CSMD1: variants seen among roughly 807,000 people sequenced by gnomAD.
CSMD1 encodes the protein CUB and Sushi multiple domains 1.
CSMD1 carries 213 observed loss-of-function variants against 417.5 expected under a neutral mutation model. The observed-to-expected ratio is 0.51, with a 90% confidence interval of 0.46 to 0.57. CSMD1 has a LOEUF of 0.57. Among genes scored for constraint, CSMD1 ranks in the 20% least tolerant of loss-of-function variants. The probability of loss-of-function intolerance (pLI) is 0.00; values close to 1 mark genes in which losing one functional copy is unlikely to be tolerated. For missense variants in CSMD1, 6,923 were observed against 4,529.7 expected (o/e 1.53, Z -15.17); for synonymous variants, 2,862 against 1,736.8 (o/e 1.65, Z -16.11).
chr8:3,519,779 G>A lies in CSMD1; in HGVS notation c.1345-26053C>T, dbSNP rs550121084. 1.2e-4 allele frequency among the ~76,000 whole-genome samples: 18 copies of A among 151,928 alleles called. 1 individual carries two copies. The highest frequency in any genetic ancestry group is 3.6e-4 in the African/African-American group (15 of 41,400). On this transcript the variant is annotated intron_variant, in intron 10 of 69. Coordinates refer to ENST00000635120, the MANE Select transcript of CSMD1 (RefSeq NM_033225.6). ...AGAAAGTTGGCTGTATGGAACACTT[G>A]CATCATTTAATAATAAATTAACTGC...
chr8:4,453,823 T>TTC (rs1799303158), intron 2 of CSMD1, among the ~76,000 whole-genome samples: 1 of 127,982 alleles, frequency 7.8e-6, no homozygotes, highest in Non-Finnish European at 1.7e-5. Flanking sequence ...TCTTTTTTTT[T>TTC]TTTTTTTTTT....
chr8:3,528,976 T>C (rs1259985999), intron 10 of CSMD1, among the ~76,000 whole-genome samples: 1 of 152,226 alleles, frequency 6.6e-6, no homozygotes, highest in Non-Finnish European at 1.5e-5. Context: ...ACAGTTGATA[T>C]ACATTTATAC....
At chr8:3,346,245 G>T (rs1389308327) in intron 22 of CSMD1, among the ~76,000 whole-genome samples, 10 of 152,138 alleles carry the variant, frequency 6.6e-5, no homozygotes, top group African/African-American at 2.4e-4. Flanking sequence ...ACTTTAAACA[G>T]CATGCAATCA....
chr8:4,895,339 C>G (rs1043945025), intron 1 of CSMD1, among the ~76,000 whole-genome samples: 3 of 152,086 alleles, frequency 2.0e-5, no homozygotes, highest in Non-Finnish European at 4.4e-5. Context: ...ATTTCAGTTT[C>G]TGGAGTAATG....
In CSMD1 at chr8:4,374,248, A is replaced by G. The variant is rs577933444; in HGVS notation, c.415+45705T>C. 1.6e-3 allele frequency among the ~76,000 whole-genome samples: 251 copies of G among 152,152 alleles called. 2 individuals carry two copies. Among genetic ancestry groups the G allele is most frequent in the African/African-American group, 5.8e-3 (241 of 41,512 alleles). The stretch of plus-strand genomic sequence containing the variant: ...CCCCACAACATCATCACCATCACTA[A>G]CGTGTGAGTTAATTTTTTTTAATAC... On this transcript the variant is annotated intron_variant, in intron 3 of 69. Coordinates refer to ENST00000635120, the MANE Select transcript of CSMD1 (RefSeq NM_033225.6).
chr8:4,924,974 T>A (rs932116525), intron 1 of CSMD1, among the ~76,000 whole-genome samples: 1 of 152,094 alleles, frequency 6.6e-6, no homozygotes, highest in Non-Finnish European at 1.5e-5. Context: ...GCATCCACCA[T>A]GGTGTCTACA....
intron 26 of CSMD1, among the ~76,000 whole-genome samples, chr8:3,252,290 A>G (rs1800331009): frequency 6.6e-6 from 1 of 152,202 alleles, no homozygotes; most frequent in Non-Finnish European, 1.5e-5. Flanking sequence ...GAATTTTGTC[A>G]AAGGCCATTT....
chr8:3,616,050 T>C (rs767709622), intron 8 of CSMD1, among the ~76,000 whole-genome samples: 97 of 152,220 alleles, frequency 6.4e-4, no homozygotes, highest in Non-Finnish European at 1.0e-3. Context: ...CTAACATGCA[T>C]CATTCCTAAA....
intron 10 of CSMD1, among the ~76,000 whole-genome samples, chr8:3,558,530 A>C (rs543797232): frequency 1.3e-5 from 2 of 149,174 alleles, no homozygotes; most frequent in South Asian, 2.1e-4. Context: ...CGACTCCTCC[A>C]ACGATGAACG....
chr8:4,860,053 G>A (rs913783824), intron 1 of CSMD1, among the ~76,000 whole-genome samples: 22 of 152,016 alleles, frequency 1.4e-4, no homozygotes, highest in South Asian at 6.2e-4. Context: ...AATGTGGCAC[G>A]TATACACCAT....
intron 6 of CSMD1, among the ~76,000 whole-genome samples, chr8:3,714,447 G>T (rs979992957): frequency 6.6e-6 from 1 of 150,706 alleles, no homozygotes; most frequent in African/African-American, 2.4e-5. Flanking sequence ...TTTTGACCAG[G>T]CATGGTGGTT....
intron 6 of CSMD1, among the ~76,000 whole-genome samples, chr8:3,745,935 G>C (rs563084274): frequency 6.6e-6 from 1 of 152,188 alleles, no homozygotes; most frequent in Non-Finnish European, 1.5e-5. Context: ...GCAGGCCGGG[G>C]GGAAAGGCCA....
rs1315424438 is a variant in CSMD1 at position 4,267,235 on chromosome 8, T to A, written c.415+152718A>T. On this transcript the variant is annotated intron_variant, in intron 3 of 69. Coordinates refer to ENST00000635120, the MANE Select transcript of CSMD1 (RefSeq NM_033225.6). ...ATTAACAACAGTTATTAAAGAAAAG[T>A]GAGTTCAATGAAGTTGCTACTTAGA... is the stretch of plus-strand genomic sequence containing the variant. Among the ~76,000 whole-genome samples the A allele has an allele frequency of 2.9e-5, 3 of 104,066 alleles. 1 individual carries two copies. Among genetic ancestry groups the A allele is most frequent in the Non-Finnish European group, 7.8e-5 (3 of 38,642 alleles). 68.3% of individuals were successfully genotyped at this position (104,066 alleles called of 152,430 possible). A position where few individuals can be genotyped will look rare whatever the true frequency, so the allele number is the denominator to read the frequency against.
intron 3 of CSMD1, among the ~76,000 whole-genome samples, chr8:4,204,641 T>G (rs894437009): frequency 6.6e-6 from 1 of 152,144 alleles, no homozygotes; most frequent in Non-Finnish European, 1.5e-5. Flanking sequence ...AAGCCTAAAT[T>G]ATTTTATAAA....
At chr8:3,141,884 G>A (rs1388360378) in intron 41 of CSMD1, among the ~76,000 whole-genome samples, 4 of 149,854 alleles carry the variant, frequency 2.7e-5, no homozygotes, top group Admixed American at 6.7e-5. Flanking sequence ...TGCAAGCTCC[G>A]CCTCCCGGGT....
At chr8:2,942,167 G>T (rs1251048612) in intron 69 of CSMD1, among the ~76,000 whole-genome samples, 1 of 151,980 alleles carries the variant, frequency 6.6e-6, no homozygotes, top group Admixed American at 6.6e-5. Flanking sequence ...ACACACTGGG[G>T]CCTGTGGGGG....
chr8:4,375,475 C>A (rs1304702451), intron 3 of CSMD1, among the ~76,000 whole-genome samples: 1 of 152,122 alleles, frequency 6.6e-6, no homozygotes, highest in Non-Finnish European at 1.5e-5. Context: ...GTTTTACAGT[C>A]CATCTTATGG....
At chr8:4,079,889 C>A (rs1189768535) in intron 3 of CSMD1, among the ~76,000 whole-genome samples, 1 of 151,998 alleles carries the variant, frequency 6.6e-6, no homozygotes, top group Non-Finnish European at 1.5e-5. Context: ...TAGGCTGGGG[C>A]AGAAGGGCCA....
chr8:4,885,434 G>T (rs1009505622), intron 1 of CSMD1, among the ~76,000 whole-genome samples: 23 of 152,162 alleles, frequency 1.5e-4, no homozygotes, highest in Admixed American at 3.9e-4. Context: ...AAAGCGTTTA[G>T]TCTTTTAACA....
Sources: gnomAD v4.1 joint callset for allele counts (sites outside exome capture counted in the v4.1 genomes callset) on GRCh38, gnomAD v4.1.1 for gene constraint, MANE v1.5 for transcripts, NCBI Gene and HGNC (gene_info 2026-07-23, HGNC 2026-07-21) for gene names.